Variants in C12orf54 observed in about 807,000 individuals in gnomAD.
C12orf54 encodes the protein uncharacterized protein C12orf54.
A neutral mutation model predicts 26.4 loss-of-function variants in C12orf54; 24 were observed. The ratio of observed to expected loss-of-function variants is 0.91; its 90% confidence interval spans 0.66 to 1.28. The LOEUF (loss-of-function observed/expected upper bound fraction) is 1.28, where lower values mean the gene tolerates loss of function less well. Ranked by LOEUF, C12orf54 falls within the 50% of genes most tolerant of loss-of-function variation. The pLI is 0.00. For missense variants in C12orf54, 154 were observed against 150.9 expected (o/e 1.02, Z -0.11); for synonymous variants, 54 against 47.0 (o/e 1.15, Z -0.61).
chr12:48,494,635 T>C (rs1937870178), intron 7 of C12orf54, among the ~76,000 whole-genome samples, 163 bp from the exon 8 acceptor site: 1 of 152,152 alleles, frequency 6.6e-6, no homozygotes, highest in South Asian at 2.1e-4. Context: ...CTTTTTCCTG[T>C]GAGCCATGCA....
At chr12:48,419,000 T>C in the C12orf54 span, among the ~76,000 whole-genome samples, 1 of 151,830 alleles carries the variant, frequency 6.6e-6, no homozygotes, top group Non-Finnish European at 1.5e-5. Context: ...TGGACAGAAC[T>C]AGAGATCATT....
chr12:48,461,651 T>A, the C12orf54 span, among the ~76,000 whole-genome samples: 1 of 151,554 alleles, frequency 6.6e-6, no homozygotes, highest in African/African-American at 2.4e-5. Flanking sequence ...AAAGAAGAAA[T>A]CAAAAAGGAA....
the C12orf54 span, among the ~76,000 whole-genome samples, chr12:48,434,147 A>G: frequency 2.6e-5 from 4 of 152,286 alleles, no homozygotes; most frequent in South Asian, 8.3e-4. Context: ...TCCTACACCC[A>G]TGGAGCCTCG....
the C12orf54 span, chr12:48,473,312 T>TGGA: frequency 8.6e-7 from 1 of 1,169,048 alleles, no homozygotes; most frequent in Non-Finnish European, 1.3e-6. Context: ...GTTATAACAA[T>TGGA]GGAGAGGTAG....
chr12:48,488,801 G>T, intron 4 of C12orf54, 123 bp from the exon 5 acceptor site: 2 of 783,954 alleles, frequency 2.6e-6, no homozygotes, highest in Non-Finnish European at 4.3e-6. Context: ...ACAGTCTCTT[G>T]GCATTCACAT....
chr12:48,471,872 C>A, the C12orf54 span, among the ~76,000 whole-genome samples: 4 of 151,642 alleles, frequency 2.6e-5, no homozygotes, highest in South Asian at 2.1e-4. Context: ...TTTTCTAATT[C>A]TGTGATGGAT....
upstream of C12orf54, among the ~76,000 whole-genome samples, chr12:48,478,586 C>T (rs1459008210): frequency 6.6e-6 from 1 of 152,124 alleles, no homozygotes; most frequent in African/African-American, 2.4e-5. Context: ...AAATCACAAG[C>T]ATTCTTATAC....
At chr12:48,473,268 G>A in the C12orf54 span, 1 of 1,067,766 alleles carries the variant, frequency 9.4e-7, no homozygotes. Flanking sequence ...TGAAGAGGAG[G>A]ACGTGAGTGG....
the C12orf54 span, among the ~76,000 whole-genome samples, chr12:48,431,515 A>C: frequency 1.1e-4 from 16 of 152,308 alleles, no homozygotes; most frequent in African/African-American, 3.8e-4. Flanking sequence ...AATAGTGATG[A>C]AAATTACAAA....
At chr12:48,440,263 G>A in the C12orf54 span, among the ~76,000 whole-genome samples, 301 of 152,124 alleles carry the variant, frequency 2.0e-3, 1 homozygote, top group Middle Eastern at 0.01. Context: ...AGGTAGTAAA[G>A]ATGGCAGAAA....
the C12orf54 span, among the ~76,000 whole-genome samples, chr12:48,465,127 G>C: frequency 6.6e-6 from 1 of 152,128 alleles, no homozygotes; most frequent in African/African-American, 2.4e-5. Flanking sequence ...AGAGTAAACA[G>C]ACAACTGACA....
At chr12:48,467,252 A>G in the C12orf54 span, among the ~76,000 whole-genome samples, 214 of 152,334 alleles carry the variant, frequency 1.4e-3, no homozygotes, top group African/African-American at 4.9e-3. Flanking sequence ...TGCAGCCAGT[A>G]AAAGCTAAAA....
chr12:48,423,428 C>G, the C12orf54 span, among the ~76,000 whole-genome samples: 1 of 151,886 alleles, frequency 6.6e-6, no homozygotes, highest in South Asian at 2.1e-4. Flanking sequence ...TACAAATGCT[C>G]CAAAGAAGAT....
the C12orf54 span, among the ~76,000 whole-genome samples, chr12:48,454,838 C>T: frequency 6.6e-6 from 1 of 152,152 alleles, no homozygotes; most frequent in Non-Finnish European, 1.5e-5. Context: ...ATAAATATGC[C>T]AGCATCTTCA....
chr12:48,458,107 C>G, the C12orf54 span, among the ~76,000 whole-genome samples: 1 of 152,192 alleles, frequency 6.6e-6, no homozygotes, highest in African/African-American at 2.4e-5. Context: ...ACCTTGTTTT[C>G]GGCTTCCTCT....
the C12orf54 span, among the ~76,000 whole-genome samples, chr12:48,469,199 A>C: frequency 6.6e-6 from 1 of 152,166 alleles, no homozygotes; most frequent in Non-Finnish European, 1.5e-5. Flanking sequence ...GCCAGGCTGG[A>C]ATTTCCTAAT....
chr12:48,440,089 G>A, the C12orf54 span, among the ~76,000 whole-genome samples: 1 of 151,922 alleles, frequency 6.6e-6, no homozygotes, highest in Non-Finnish European at 1.5e-5. Context: ...GCCAACTATG[G>A]TGACAGGCGC....
At chr12:48,451,337 C>A in the C12orf54 span, among the ~76,000 whole-genome samples, 1 of 151,700 alleles carries the variant, frequency 6.6e-6, no homozygotes, top group South Asian at 2.1e-4. Flanking sequence ...AAGGAACATA[C>A]CTCAAAATAA....
At chr12:48,429,197 C>T in the C12orf54 span, among the ~76,000 whole-genome samples, 8 of 152,090 alleles carry the variant, frequency 5.3e-5, no homozygotes, top group South Asian at 1.7e-3. Context: ...TATGAAAAAC[C>T]CACAGCCAAC....
Sources: allele counts gnomAD v4.1 joint callset (sites outside exome capture counted in the v4.1 genomes callset), GRCh38; gene constraint gnomAD v4.1.1; transcripts MANE v1.5; gene names NCBI Gene and HGNC (gene_info 2026-07-23, HGNC 2026-07-21).